The following NEK4 variants were observed in gnomAD, a reference collection of about 807,000 sequenced individuals.
The protein encoded by NEK4 is serine/threonine-protein kinase Nek4.
Under a neutral mutation model 98.4 loss-of-function variants are expected in NEK4, and 86 were observed. That is an observed-to-expected ratio of 0.87 (90% CI 0.73 to 1.05). The LOEUF is 1.05. Among genes scored for constraint, NEK4 ranks in the 50% least tolerant of loss-of-function variants. The probability of loss-of-function intolerance (pLI) is 0.00; values close to 1 mark genes in which losing one functional copy is unlikely to be tolerated. For synonymous variants in NEK4, 328 were observed against 342.2 expected, an observed-to-expected ratio of 0.96 and a Z score of 0.46; for missense variants, 898 against 950.3, an observed-to-expected ratio of 0.94 and a Z score of 0.72.
At chr3:52,764,501 G>A (rs1349415640) in intron 4 of NEK4, among the ~76,000 whole-genome samples, 1 of 149,252 alleles carries the variant, frequency 6.7e-6, no homozygotes, top group Non-Finnish European at 1.5e-5. Flanking sequence ...CGTGGTGGCG[G>A]GCACCTGTAG....
Position 52,746,862 on chromosome 3 carries a change from T to G in NEK4, c.1549A>C (p.Ile517Leu), listed in dbSNP as rs145192979. 112 of 1,614,034 alleles carry G rather than the reference T, an allele frequency of 6.9e-5. 1 individual carries two copies. In the East Asian group the frequency reaches 1.8e-3, roughly 25 times the overall value. ...GECIIEKQGR[I>L]HPDLQPHNSG... is the part of the protein sequence containing the mutation. ...TTGTGTGGCTGTAAATCTGGGTGGA[T>G]TCTGCCCTGTTTTTCTATAATACAT... The change falls in exon 9 of 16, where the codon ATC becomes CTC. Residue 517 changes from isoleucine (I) to leucine (L), a missense_variant. Physicochemically the swap from Ile to Leu is conservative, Grantham distance 5 (BLOSUM62 2). Coordinates refer to ENST00000233027, the MANE Select transcript of NEK4 (RefSeq NM_003157.6).
chr3:52,718,822 C>T (rs554546892), intron 15 of NEK4, among the ~76,000 whole-genome samples: 11 of 152,284 alleles, frequency 7.2e-5, no homozygotes, highest in African/African-American at 2.2e-4. Context: ...GGCACAATCT[C>T]GGCTCACCGA....
chr3:52,746,984 G>C (rs1175427911), intron 8 of NEK4, 80 bp from the exon 9 acceptor site: 3 of 1,151,866 alleles, frequency 2.6e-6, no homozygotes, highest in East Asian at 2.4e-5. Flanking sequence ...TCCATAAAAA[G>C]TGGCTTTTGT....
chr3:52,763,866 G>T (rs1394056946), intron 4 of NEK4, among the ~76,000 whole-genome samples: 1 of 152,218 alleles, frequency 6.6e-6, no homozygotes, highest in Non-Finnish European at 1.5e-5. Flanking sequence ...AGAAATAAGA[G>T]TATGAGTTTC....
chr3:52,765,149 G>A (rs1262612605), intron 4 of NEK4, among the ~76,000 whole-genome samples: 5 of 151,910 alleles, frequency 3.3e-5, no homozygotes, highest in South Asian at 2.1e-4. Context: ...TAAGGAGTTC[G>A]AGACCATCCT....
At chr3:52,766,396 T>A in intron 2 of NEK4, 21 bp from the exon 3 acceptor site, 1 of 1,534,276 alleles carries the variant, frequency 6.5e-7, no homozygotes, top group Non-Finnish European at 9.0e-7. Flanking sequence ...AAACAAGATT[T>A]TATTACATAT....
intron 13 of NEK4, 46 bp downstream of exon 13, chr3:52,741,364 TA>T: frequency 1.8e-6 from 2 of 1,119,032 alleles, no homozygotes; most frequent in Non-Finnish European, 2.7e-6. Flanking sequence ...TAATATTCAT[TA>T]AAACAGAAAT....
rs1264393326 is a variant in NEK4, at chr3:52,708,670, G to A, written c.*3107C>T. The A allele has an allele frequency of 6.6e-6, 1 of 151,966 alleles. No homozygotes were observed. Among genetic ancestry groups the A allele is most frequent in the African/African-American group, 2.4e-5 (1 of 41,376 alleles). The allele number at this position is 151,966 out of a possible 1,614,324, so 9.4% of individuals were successfully genotyped here. ...CTTGAATAAAATTTAATAGACAAGT[G>A]ATTTTGTATTTAACATTTCACCTTT... On this transcript the variant is annotated 3_prime_UTR_variant, in exon 16 of 16. Coordinates refer to ENST00000233027, the MANE Select transcript of NEK4 (RefSeq NM_003157.6).
chr3:52,768,297 C>A (rs1462239336), intron 2 of NEK4, 41 bp downstream of exon 2: 3 of 1,555,926 alleles, frequency 1.9e-6, no homozygotes, highest in Non-Finnish European at 2.6e-6. Context: ...ATCTTCTTGC[C>A]ATCTGGGAAC....
At chr3:52,728,076 T>A (rs985187808) in intron 15 of NEK4, among the ~76,000 whole-genome samples, 5 of 152,092 alleles carry the variant, frequency 3.3e-5, no homozygotes, top group Non-Finnish European at 5.9e-5. Flanking sequence ...CTACAAAAAA[T>A]TTAAAAAATT....
intron 5 of NEK4, among the ~76,000 whole-genome samples, chr3:52,761,930 T>C (rs1698371165): frequency 6.6e-6 from 1 of 152,228 alleles, no homozygotes; most frequent in Non-Finnish European, 1.5e-5. Context: ...TAGTATGTCA[T>C]TTCTAAAACT....
At chr3:52,763,387 A>T in intron 5 of NEK4, 83 bp downstream of exon 5, 1 of 1,313,884 alleles carries the variant, frequency 7.6e-7, no homozygotes, top group African/African-American at 1.5e-5. Context: ...ACTCACCATT[A>T]ATTCTTGCAT....
chr3:52,756,276 T>C (rs2097414947), intron 6 of NEK4, among the ~76,000 whole-genome samples: 1 of 152,044 alleles, frequency 6.6e-6, no homozygotes, highest in East Asian at 1.9e-4. Context: ...TCTCAAGGGA[T>C]CCCAAATAGC....
At chr3:52,741,803 CAG>C (rs1208130936) in intron 12 of NEK4, among the ~76,000 whole-genome samples, 5 of 151,674 alleles carry the variant, frequency 3.3e-5, no homozygotes, top group Non-Finnish European at 7.4e-5. Flanking sequence ...TTTTTTGAGA[CAG>C]AGTCTTGCTC....
intron 15 of NEK4, among the ~76,000 whole-genome samples, chr3:52,716,815 G>C (rs2097355555): frequency 6.6e-6 from 1 of 152,190 alleles, no homozygotes; most frequent in African/African-American, 2.4e-5. Flanking sequence ...TGGTAAGAAT[G>C]GTAAGAGTCA....
chr3:52,754,967 G>A (rs1220103269), intron 6 of NEK4, among the ~76,000 whole-genome samples: 12 of 151,456 alleles, frequency 7.9e-5, no homozygotes, highest in South Asian at 2.1e-4. Flanking sequence ...CCAGCTACTC[G>A]GGAGGCTGAG....
At chr3:52,724,661 C>T (rs1237178615) in intron 15 of NEK4, among the ~76,000 whole-genome samples, 1 of 152,016 alleles carries the variant, frequency 6.6e-6, no homozygotes, top group South Asian at 2.1e-4. Flanking sequence ...TTACCAGAGG[C>T]GAAGGGTGGG....
At chr3:52,763,894 G>A (rs533790771) in intron 4 of NEK4, among the ~76,000 whole-genome samples, 128 of 152,264 alleles carry the variant, frequency 8.4e-4, no homozygotes, top group African/African-American at 2.7e-3. Flanking sequence ...CTTATGTATC[G>A]GGATGTTCAA....
chr3:52,748,988 A>G (rs1367735770), intron 8 of NEK4, among the ~76,000 whole-genome samples: 3 of 151,966 alleles, frequency 2.0e-5, no homozygotes, highest in Admixed American at 6.6e-5. Context: ...TCGAGAGGGT[A>G]AGATTGGAGG....
Sources: gnomAD v4.1 joint callset for allele counts (sites outside exome capture counted in the v4.1 genomes callset) on GRCh38, gnomAD v4.1.1 for gene constraint, MANE v1.5 for transcripts, NCBI Gene and HGNC (gene_info 2026-07-23, HGNC 2026-07-21) for gene names.